Variants in MBD4 observed in about 807,000 individuals in gnomAD.
The protein encoded by MBD4 is methyl-CpG-binding domain protein 4.
A neutral mutation model predicts 60.2 loss-of-function variants in MBD4; 53 were observed. The ratio of observed to expected loss-of-function variants is 0.88; its 90% confidence interval spans 0.71 to 1.11. The LOEUF is 1.11. Among genes scored for constraint, MBD4 ranks in the 50% least tolerant of loss-of-function variants. The pLI, the probability that MBD4 is intolerant of heterozygous loss-of-function variation, is 0.00. For missense variants in MBD4, 619 were observed against 674.0 expected, an observed-to-expected ratio of 0.92 and a Z score of 0.90; for synonymous variants, 231 against 229.8, an observed-to-expected ratio of 1.01 and a Z score of -0.05.
intron 3 of MBD4, 93 bp downstream of exon 3, chr3:129,436,368 G>A: frequency 6.7e-7 from 1 of 1,484,590 alleles, no homozygotes; most frequent in African/African-American, 1.4e-5. Context: ...AACCATGTAT[G>A]GGCACGAATA....
Position 129,436,813 on chromosome 3 carries a change from A to G in MBD4, c.831T>C (p.Pro277=). The G allele has an allele frequency of 6.2e-7, 1 of 1,614,164 alleles. No individual in the cohort carries two copies. Among genetic ancestry groups the G allele is most frequent in the Non-Finnish European group, 8.5e-7 (1 of 1,180,032 alleles). Residue 277 remains proline (P), a synonymous_variant, in exon 3 of 8, where the codon CCT becomes CCC. Coordinates refer to ENST00000429544, the MANE Select transcript of MBD4 (RefSeq NM_001276270.2). ...TATCAAGCTGACTTTTTTGTGCAAC[A>G]GGTTCACTTTCAGCATCTGCTTTAT... is the stretch of plus-strand genomic sequence containing the variant. ...VCNKADAESE[P]VAQKSQLDRT...
intron 7 of MBD4, 111 bp downstream of exon 7, chr3:129,432,392 G>C: frequency 6.3e-7 from 1 of 1,596,854 alleles, no homozygotes; most frequent in Admixed American, 1.7e-5. Context: ...GAACACAATT[G>C]TTTGTGACTG....
rs1166942958 is a variant in MBD4 at position 129,436,529 on chromosome 3, T to G, written c.1115A>C (p.His372Pro). 2 of 1,614,188 alleles carry G rather than the reference T, an allele frequency of 1.2e-6. No homozygotes were observed. Among genetic ancestry groups the G allele is most frequent in the African/African-American group, 1.3e-5 (1 of 75,068 alleles). Residue 372 changes from histidine (H) to proline (P), a missense_variant, in exon 3 of 8, where the codon CAT (histidine) becomes CCT (proline). Physicochemically the swap from His to Pro is moderately conservative, Grantham distance 77 (BLOSUM62 -2). Coordinates refer to ENST00000429544, the MANE Select transcript of MBD4 (RefSeq NM_001276270.2). ...AGAGCCACGTTTTAAAATGTCAGTA[T>G]GCAAATGTTCTTTCCTTTCCACAAC... is the stretch of plus-strand genomic sequence containing the variant. ...VEVVERKEHL[H>P]TDILKRGSEM...
Position 129,436,856 on chromosome 3 carries a change from T to C in MBD4, c.788A>G (p.Lys263Arg), listed in dbSNP as rs752129551. 1.2e-6 allele frequency: 2 copies of C among 1,614,180 alleles called. No homozygotes were observed. The highest frequency in any genetic ancestry group is 8.5e-7 in the Non-Finnish European group (1 of 1,180,032). The stretch of plus-strand genomic sequence containing the variant: ...TGCTTTATTACACACAGATTCTCTT[T>C]TGCTATCACTTTGAACAAAACCTGA... Reference protein sequence around the residue: ...SCSGFVQSDSKRESVCNKADA... With the variant: ...SCSGFVQSDSRRESVCNKADA... Residue 263 changes from lysine to arginine, a missense_variant, in exon 3 of 8, where the codon AAA (lysine) becomes AGA (arginine). Transcript: ENST00000429544.
intron 5 of MBD4, 152 bp from the exon 6 acceptor site, chr3:129,433,399 C>T (rs2072394741): frequency 2.5e-6 from 2 of 793,646 alleles, no homozygotes; most frequent in Non-Finnish European, 4.0e-6. Context: ...TTATCTGAAC[C>T]AGCAACCACT....
intron 6 of MBD4, 68 bp downstream of exon 6, chr3:129,433,029 GT>G: frequency 2.5e-6 from 4 of 1,573,952 alleles, no homozygotes; most frequent in Non-Finnish European, 3.5e-6. Flanking sequence ...GAACATTAAA[GT>G]TTAAGGTGTG....
At chr3:129,432,150 T>C (rs1311902362) in intron 7 of MBD4, 16 of 1,306,982 alleles carry the variant, frequency 1.2e-5, no homozygotes, top group Non-Finnish European at 1.6e-5. Context: ...TATGCATACA[T>C]TGCAGGCCCA....
At chr3:129,432,638 C>T (rs2072372412) in intron 6 of MBD4, 32 bp from the exon 7 acceptor site, 1 of 1,607,864 alleles carries the variant, frequency 6.2e-7, no homozygotes, top group South Asian at 1.1e-5. Flanking sequence ...ATTATCAGGT[C>T]AGCTTCTAAA....
Position 129,436,709 on chromosome 3 carries a change from T to C in MBD4, c.935A>G (p.Lys312Arg). The change falls in exon 3 of 8, where the codon AAA becomes AGA. Residue 312 changes from lysine to arginine, a missense_variant. Coordinates refer to ENST00000429544, the MANE Select transcript of MBD4 (RefSeq NM_001276270.2). ...TCCTGAACTCAATGATCTTTCTTTT[T>C]TTTTTACAAGGCTGTTTTCTTCACT... is the stretch of plus-strand genomic sequence containing the variant. ...VTSEENSLVK[K>R]KERSLSSGSN... The C allele has an allele frequency of 6.2e-7, 1 of 1,614,182 alleles. No individual in the cohort carries two copies. Among genetic ancestry groups the C allele is most frequent in the South Asian group, 1.1e-5 (1 of 91,086 alleles).
Position 129,431,642 on chromosome 3 carries a change from T to A in MBD4, c.1648-64A>T, listed in dbSNP as rs922427148. 9 of 1,240,890 alleles carry A rather than the reference T, an allele frequency of 7.3e-6. No individual in the cohort carries two copies. In the African/African-American group the frequency reaches 8.8e-5, roughly 12 times the overall value. The allele number at this position is 1,240,890 out of a possible 1,614,324, so 76.9% of individuals were successfully genotyped here. A position where few individuals can be genotyped will look rare whatever the true frequency, so the allele number is the denominator to read the frequency against. ...GTAACTTAGTCAGAAATACATTTTT[T>A]AAAATTGGCTTTTTAAATGTTTGCT... On this transcript the variant is annotated intron_variant, in intron 7 of 7. Transcript: ENST00000429544.
At chr3:129,435,706 A>G (rs1017871095) in intron 3 of MBD4, among the ~76,000 whole-genome samples, 1 of 152,340 alleles carries the variant, frequency 6.6e-6, no homozygotes, top group East Asian at 1.9e-4. Flanking sequence ...TAAAATTATT[A>G]TTCTTTAAAG....
chr3:129,431,591 T>C lies in MBD4; in HGVS notation c.1648-13A>G. 4 of 1,583,778 alleles carry C rather than the reference T, an allele frequency of 2.5e-6. No individual in the cohort carries two copies. Among genetic ancestry groups the C allele is most frequent in the Middle Eastern group, 3.6e-4 (2 of 5,590 alleles). ...CTTCAGGGTGCACCTGGAAGAAACATAAGATACAGAGGCAGAGACCTTAAT... is the reference window on the plus strand; with the variant it reads ...CTTCAGGGTGCACCTGGAAGAAACACAAGATACAGAGGCAGAGACCTTAAT... On this transcript the variant is annotated splice_polypyrimidine_tract_variant and intron_variant, in intron 7 of 7. Transcript: ENST00000429544.
chr3:129,436,499 A>T lies in MBD4; in HGVS notation c.1145T>A (p.Met382Lys). Residue 382 changes from methionine to lysine, a missense_variant, in exon 3 of 8, where the codon ATG becomes AAG. By Grantham distance (95) the Met-to-Lys change is moderately conservative (BLOSUM62 -1). Transcript: ENST00000429544. ...HTDILKRGSE[M>K]DNNCSPTRKD... ...CCTGGTTGGTGAGCAGTTGTTGTCC[A>T]TTTCAGAGCCACGTTTTAAAATGTC... The T allele has an allele frequency of 1.2e-6, 2 of 1,614,104 alleles. No homozygotes were observed. The highest frequency in any genetic ancestry group is 1.7e-6 in the Non-Finnish European group (2 of 1,180,006).
rs956857617 is a variant in MBD4, at chr3:129,431,137, C to T, written c.*364G>A. 6 of 270,234 alleles carry T rather than the reference C, an allele frequency of 2.2e-5. No individual in the cohort carries two copies. Among genetic ancestry groups the T allele is most frequent in the Admixed American group, 5.1e-5 (1 of 19,474 alleles). 16.7% of individuals were successfully genotyped at this position (270,234 alleles called of 1,614,324 possible). ...CCGAGATTACAGGCATGCACCACCA[C>T]GCCTAGCCGATAAAAATATTTAGTG... On this transcript the variant is annotated 3_prime_UTR_variant, in exon 8 of 8. Transcript: ENST00000429544.
chr3:129,439,927 G>A lies in MBD4; in HGVS notation c.-94C>T, dbSNP rs981763976. The A allele has an allele frequency of 1.1e-6, 1 of 925,202 alleles. No individual in the cohort carries two copies. The highest frequency in any genetic ancestry group is 1.7e-6 in the Non-Finnish European group (1 of 576,746). 57.3% of individuals were successfully genotyped at this position (925,202 alleles called of 1,614,324 possible). A position where few individuals can be genotyped will look rare whatever the true frequency, so the allele number is the denominator to read the frequency against. ...TGAAACCTCTTCAGCTCACGGCACCGGGCTGCAACCGAGGTCTGAATGTTG... is the reference window on the plus strand; with the variant it reads ...TGAAACCTCTTCAGCTCACGGCACCAGGCTGCAACCGAGGTCTGAATGTTG... On this transcript the variant is annotated 5_prime_UTR_variant, in exon 1 of 8. Coordinates refer to ENST00000429544, the MANE Select transcript of MBD4 (RefSeq NM_001276270.2).
intron 3 of MBD4, among the ~76,000 whole-genome samples, chr3:129,436,239 C>T (rs767457971): frequency 8.5e-5 from 13 of 152,164 alleles, no homozygotes; most frequent in Non-Finnish European, 1.2e-4. Context: ...ATCACGACAG[C>T]AGTCAGCCGA....
intron 1 of MBD4, among the ~76,000 whole-genome samples, chr3:129,439,431 T>C (rs1380773785): frequency 6.6e-6 from 1 of 152,194 alleles, no homozygotes; most frequent in Admixed American, 6.5e-5. Flanking sequence ...CTTAACCTCC[T>C]ATCACACACG....
rs374206466 is a variant in MBD4, at chr3:129,433,162, C to T, written c.1479G>A (p.Val493=). ...GACCAAGAGGTTTAAGAAGTTCTGA[C>T]ACATCTCTCCAGTCTGCGGTTCTTG... The part of the protein sequence containing the change: ...EVARTADWRD[V]SELLKPLGLY... Residue 493 remains valine, a synonymous_variant, in exon 6 of 8, where the codon GTG becomes GTA. Transcript: ENST00000429544. 3.1e-6 allele frequency: 5 copies of T among 1,614,074 alleles called. No individual in the cohort carries two copies. The highest frequency in any genetic ancestry group is 1.6e-4 in the Middle Eastern group (1 of 6,084).
chr3:129,434,157 C>T (rs768071477), intron 3 of MBD4, 21 bp from the exon 4 acceptor site: 1 of 1,583,966 alleles, frequency 6.3e-7, no homozygotes, highest in East Asian at 2.2e-5. Context: ...AAAGTAAACA[C>T]TTTATGGAGT....
Sources: allele counts gnomAD v4.1 joint callset (sites outside exome capture counted in the v4.1 genomes callset), GRCh38; gene constraint gnomAD v4.1.1; transcripts MANE v1.5; gene names NCBI Gene and HGNC (gene_info 2026-07-23, HGNC 2026-07-21).